ROBO1: variants seen among roughly 807,000 people sequenced by gnomAD.
ROBO1 encodes roundabout guidance receptor 1.
In ROBO1, 149 loss-of-function variants were observed where a neutral mutation model predicts 195.9. The observed-to-expected ratio is 0.76, with a 90% CI of 0.67 to 0.87. The LOEUF is 0.87. ROBO1 is among the 40% of genes least tolerant of loss of function. The pLI is 0.00. For missense variants in ROBO1, 1,933 were observed against 2,068.3 expected (o/e 0.93, Z 1.27); for synonymous variants, 816 against 733.2 (o/e 1.11, Z -1.82).
chr3:78,703,340 G>A (rs541572444), intron 8 of ROBO1, among the ~76,000 whole-genome samples: 1 of 152,198 alleles, frequency 6.6e-6, no homozygotes, highest in East Asian at 1.9e-4. Context: ...GTTAGGAGAG[G>A]GAGTTATTCT....
Position 79,700,301 on chromosome 3 carries a change from GTT to G in ROBO1, c.-51+67449_-51+67450del, listed in dbSNP as rs565093308. Among the ~76,000 whole-genome samples, 1,106 of 130,544 alleles carry G rather than the reference GTT, an allele frequency of 8.5e-3. 9 individuals carry two copies. Among genetic ancestry groups the G allele is most frequent in the African/African-American group, 0.03 (993 of 32,648 alleles). 85.6% of individuals were successfully genotyped at this position (130,544 alleles called of 152,430 possible). A position where few individuals can be genotyped will look rare whatever the true frequency, so the allele number is the denominator to read the frequency against. On this transcript the variant is annotated intron_variant, in intron 1 of 30. Coordinates refer to ENST00000464233, the MANE Select transcript of ROBO1 (RefSeq NM_002941.4). The stretch of plus-strand genomic sequence containing the variant: ...CTGTGATGAACACGTGTGTGTGTGT[GTT>G]TGTGTGTGTGTGTTTGTGTGTGTGT...
At chr3:78,680,079 G>A (rs2080856568) in intron 10 of ROBO1, among the ~76,000 whole-genome samples, 1 of 152,212 alleles carries the variant, frequency 6.6e-6, no homozygotes, top group African/African-American at 2.4e-5. Flanking sequence ...CAAGCAATGG[G>A]GAAAGGATTC....
At chr3:79,706,070 C>A (rs979883674) in intron 1 of ROBO1, among the ~76,000 whole-genome samples, 40 of 151,972 alleles carry the variant, frequency 2.6e-4, no homozygotes, top group Non-Finnish European at 5.0e-4. Flanking sequence ...TTGATTCTTC[C>A]ACATTTTCTA....
intron 2 of ROBO1, among the ~76,000 whole-genome samples, chr3:79,321,808 C>G (rs529463884): frequency 1.2e-4 from 18 of 152,238 alleles, no homozygotes; most frequent in African/African-American, 4.3e-4. Flanking sequence ...TGCATGGGTC[C>G]ATGTCCGTAA....
chr3:78,750,499 A>T (rs562558823), intron 4 of ROBO1, among the ~76,000 whole-genome samples: 34 of 132,470 alleles, frequency 2.6e-4, no homozygotes, highest in African/African-American at 9.2e-4. Flanking sequence ...ATAAATAAAT[A>T]AAATAAAATA....
chr3:79,499,453 C>T (rs1939935525), intron 2 of ROBO1, among the ~76,000 whole-genome samples: 2 of 152,094 alleles, frequency 1.3e-5, no homozygotes, highest in Admixed American at 1.3e-4. Flanking sequence ...TTAGTCCAAC[C>T]TGTAGGCTAT....
At chr3:78,749,890 AT>A (rs2082745862) in intron 4 of ROBO1, among the ~76,000 whole-genome samples, 1 of 152,168 alleles carries the variant, frequency 6.6e-6, no homozygotes, top group Admixed American at 6.5e-5. Flanking sequence ...TTAATTTGGA[AT>A]TGTCAAAAAG....
At chr3:78,855,469 TG>T (rs1362890226) in intron 4 of ROBO1, among the ~76,000 whole-genome samples, 2 of 152,194 alleles carry the variant, frequency 1.3e-5, no homozygotes, top group Admixed American at 6.6e-5. Flanking sequence ...CCACAATACC[TG>T]GATAGATTAT....
chr3:79,755,056 T>C (rs1704316849), intron 1 of ROBO1, among the ~76,000 whole-genome samples: 1 of 152,102 alleles, frequency 6.6e-6, no homozygotes, highest in East Asian at 1.9e-4. Flanking sequence ...AATTTTGTAT[T>C]TTTAGTAGAA....
intron 2 of ROBO1, among the ~76,000 whole-genome samples, chr3:79,228,135 G>A (rs1218852928): frequency 6.6e-6 from 1 of 151,768 alleles, no homozygotes; most frequent in Non-Finnish European, 1.5e-5. Context: ...TAGTACCACT[G>A]TACTCTTAAA....
intron 1 of ROBO1, among the ~76,000 whole-genome samples, chr3:79,721,326 A>G (rs1441087512): frequency 7.0e-6 from 1 of 142,758 alleles, no homozygotes; most frequent in Non-Finnish European, 1.6e-5. Flanking sequence ...CATTTGATAT[A>G]AACTTTGATG....
At chr3:78,946,462 A>C in intron 3 of ROBO1, among the ~76,000 whole-genome samples, 1 of 152,174 alleles carries the variant, frequency 6.6e-6, no homozygotes, top group East Asian at 1.9e-4. Context: ...CTTTACAGAC[A>C]AGCAAATGCT....
chr3:79,357,517 TA>T (rs1163397972), intron 2 of ROBO1, among the ~76,000 whole-genome samples: 4 of 152,140 alleles, frequency 2.6e-5, no homozygotes, highest in Admixed American at 6.6e-5. Context: ...TTTCTACAAT[TA>T]TCCTCAGTTA....
intron 2 of ROBO1, among the ~76,000 whole-genome samples, chr3:79,458,698 T>C (rs1007605629): frequency 3.3e-5 from 5 of 151,942 alleles, no homozygotes; most frequent in African/African-American, 1.2e-4. Context: ...AACACTATGA[T>C]TTTCCATAGG....
At chr3:78,697,742 TTGTA>T (rs2081332985) in intron 8 of ROBO1, among the ~76,000 whole-genome samples, 1 of 152,186 alleles carries the variant, frequency 6.6e-6, no homozygotes, top group African/African-American at 2.4e-5. Flanking sequence ...ACGATTTTAA[TTGTA>T]TGGACATTCA....
At chr3:78,974,713 T>G (rs1177004938) in intron 3 of ROBO1, among the ~76,000 whole-genome samples, 1 of 152,080 alleles carries the variant, frequency 6.6e-6, no homozygotes, top group Non-Finnish European at 1.5e-5. Flanking sequence ...CATCTAATGG[T>G]TTTTCTATCC....
At chr3:79,246,330 A>G (rs1210320784) in intron 2 of ROBO1, among the ~76,000 whole-genome samples, 2 of 152,258 alleles carry the variant, frequency 1.3e-5, no homozygotes, top group East Asian at 1.9e-4. Context: ...GGAAACTTAG[A>G]TGTTGTGGCT....
chr3:79,309,027 C>A (rs2109085781), intron 2 of ROBO1, among the ~76,000 whole-genome samples: 1 of 151,828 alleles, frequency 6.6e-6, no homozygotes. Flanking sequence ...GGGACATTGT[C>A]TCAACTCTAA....
chr3:79,620,764 A>T (rs192157414), intron 1 of ROBO1, among the ~76,000 whole-genome samples: 162 of 151,994 alleles, frequency 1.1e-3, no homozygotes, highest in African/African-American at 3.5e-3. Flanking sequence ...CATCCCATTA[A>T]AATCTAATCA....
Sources: gnomAD v4.1 joint callset for allele counts (sites outside exome capture counted in the v4.1 genomes callset) on GRCh38, gnomAD v4.1.1 for gene constraint, MANE v1.5 for transcripts, NCBI Gene and HGNC (gene_info 2026-07-23, HGNC 2026-07-21) for gene names.